The following ITGBL1 variants were observed in gnomAD, a reference collection of about 807,000 sequenced individuals.
The protein encoded by ITGBL1 is integrin subunit beta like 1.
In ITGBL1, 51 loss-of-function variants were observed where a neutral mutation model predicts 68.5. That is an observed-to-expected ratio of 0.74 (90% CI 0.59 to 0.94). ITGBL1 has a LOEUF of 0.94. Ranked by LOEUF, ITGBL1 falls within the 40% of genes least tolerant of loss-of-function variation. The pLI is 0.00. For synonymous variants in ITGBL1, 209 were observed against 227.3 expected, an observed-to-expected ratio of 0.92 and a Z score of 0.72; for missense variants, 649 against 647.4, an observed-to-expected ratio of 1.00 and a Z score of -0.03.
At chr13:101,647,556 C>T (rs2032601380) in intron 7 of ITGBL1, among the ~76,000 whole-genome samples, 1 of 152,152 alleles carries the variant, frequency 6.6e-6, no homozygotes, top group Admixed American at 6.6e-5. Context: ...ACCCAGATCT[C>T]ATAGGGAAAA....
chr13:101,583,444 T>A (rs1594905080), intron 6 of ITGBL1, 88 bp downstream of exon 6: 2 of 1,103,336 alleles, frequency 1.8e-6, no homozygotes, highest in Non-Finnish European at 2.5e-6. Flanking sequence ...TTAGAAAGAA[T>A]AAATAAGACA....
At chr13:101,707,478 G>A (rs1594998094) in intron 9 of ITGBL1, among the ~76,000 whole-genome samples, 1 of 152,250 alleles carries the variant, frequency 6.6e-6, no homozygotes, top group Non-Finnish European at 1.5e-5. Flanking sequence ...CAAGTCTGAT[G>A]GAATTTTCTT....
intron 2 of ITGBL1, among the ~76,000 whole-genome samples, chr13:101,532,059 C>T (rs1273270572): frequency 6.6e-6 from 1 of 151,992 alleles, no homozygotes; most frequent in African/African-American, 2.4e-5. Flanking sequence ...AATTTACTCT[C>T]CAATATTCAA....
intron 7 of ITGBL1, among the ~76,000 whole-genome samples, chr13:101,653,381 T>C (rs2032815036): frequency 6.6e-6 from 1 of 152,126 alleles, no homozygotes; most frequent in Admixed American, 6.5e-5. Context: ...TTCATTATAT[T>C]TAAGAGTAAG....
chr13:101,570,978 C>T (rs1292894535), intron 3 of ITGBL1, among the ~76,000 whole-genome samples: 3 of 152,102 alleles, frequency 2.0e-5, no homozygotes, highest in Non-Finnish European at 4.4e-5. Flanking sequence ...TAAATATATG[C>T]CTGTGCATAT....
At chr13:101,619,295 C>G (rs2031491949) in intron 7 of ITGBL1, among the ~76,000 whole-genome samples, 1 of 151,940 alleles carries the variant, frequency 6.6e-6, no homozygotes, top group Admixed American at 6.6e-5. Context: ...CTTATGATTG[C>G]TAATCAAAAG....
chr13:101,532,714 G>A (rs1450560159), intron 2 of ITGBL1, among the ~76,000 whole-genome samples: 2 of 152,032 alleles, frequency 1.3e-5, no homozygotes, highest in Non-Finnish European at 2.9e-5. Context: ...GCATAACAAC[G>A]TTTTGATAAA....
At chr13:101,496,058 C>T (rs141318447) in intron 2 of ITGBL1, among the ~76,000 whole-genome samples, 2 of 152,276 alleles carry the variant, frequency 1.3e-5, no homozygotes, top group African/African-American at 4.8e-5. Flanking sequence ...AGATACCCAC[C>T]ATTTCTCACA....
chr13:101,491,822 T>C (rs528156410), intron 2 of ITGBL1, among the ~76,000 whole-genome samples: 1 of 152,196 alleles, frequency 6.6e-6, no homozygotes, highest in African/African-American at 2.4e-5. Context: ...TTCCCCTCCC[T>C]GGGTTCATAT....
chr13:101,577,296 C>T (rs537132452), intron 4 of ITGBL1, among the ~76,000 whole-genome samples: 3 of 152,282 alleles, frequency 2.0e-5, no homozygotes, highest in East Asian at 1.9e-4. Flanking sequence ...TACAAATAGA[C>T]ATTTTCTTGC....
At chr13:101,693,704 T>C (rs991229276) in intron 8 of ITGBL1, among the ~76,000 whole-genome samples, 10 of 152,124 alleles carry the variant, frequency 6.6e-5, no homozygotes, top group Non-Finnish European at 1.2e-4. Context: ...TCTATATCAA[T>C]CATCCATATG....
rs370614885 is a variant in ITGBL1, at chr13:101,532,509, A to G, written c.317-35190A>G. ...TCCTAGAATGTAAGTTCCATGGATT[A>G]TAAACGTTATTCCTATTGCAGATTT... is the stretch of plus-strand genomic sequence containing the variant. On this transcript the variant is annotated intron_variant, in intron 2 of 10. Coordinates refer to ENST00000376180, the MANE Select transcript of ITGBL1 (RefSeq NM_004791.3). 3.9e-5 allele frequency among the ~76,000 whole-genome samples: 6 copies of G among 152,374 alleles called. No homozygotes were observed. In the East Asian group the frequency reaches 1.2e-3, roughly 29 times the overall value.
chr13:101,565,072 T>C (rs1346541656), intron 2 of ITGBL1, among the ~76,000 whole-genome samples: 1 of 152,038 alleles, frequency 6.6e-6, no homozygotes, highest in Non-Finnish European at 1.5e-5. Flanking sequence ...CAGGTTCCAG[T>C]CTTCATCACT....
chr13:101,669,479 T>C (rs1305046398), intron 7 of ITGBL1, among the ~76,000 whole-genome samples: 2 of 152,122 alleles, frequency 1.3e-5, no homozygotes, highest in African/African-American at 4.8e-5. Flanking sequence ...TATAATCTTA[T>C]GAAAGGAATT....
Position 101,692,007 on chromosome 13 carries a change from T to C in ITGBL1, c.1016-578T>C, listed in dbSNP as rs749257490. Among the ~76,000 whole-genome samples the C allele has an allele frequency of 7.2e-5, 11 of 152,214 alleles. 1 individual carries two copies. Among genetic ancestry groups the C allele is most frequent in the Admixed American group, 6.5e-5 (1 of 15,280 alleles). ...ACCAAATTCATTGCAAAAATATTTATAATTTTAAATTTTAAGACGAGGATA... is the reference window on the plus strand; with the variant it reads ...ACCAAATTCATTGCAAAAATATTTACAATTTTAAATTTTAAGACGAGGATA... On this transcript the variant is annotated intron_variant, in intron 7 of 10. Transcript: ENST00000376180.
At chr13:101,697,997 C>CT (rs1416421397) in intron 8 of ITGBL1, among the ~76,000 whole-genome samples, 1 of 152,152 alleles carries the variant, frequency 6.6e-6, no homozygotes, top group Non-Finnish European at 1.5e-5. Flanking sequence ...TAGTCCCCCC[C>CT]ATCATCTCTC....
In ITGBL1 at chr13:101,463,170, C is replaced by T. The variant is rs116610719; in HGVS notation, c.316+9070C>T. ...GCTAGACACCCCTCTCCTACCCTAG[C>T]GTAATTCCTGGTCCTAAGATATTTA... is the stretch of plus-strand genomic sequence containing the variant. On this transcript the variant is annotated intron_variant, in intron 2 of 10. Transcript: ENST00000376180. Among the ~76,000 whole-genome samples the T allele has an allele frequency of 6.5e-3, 985 of 152,290 alleles. 10 individuals are homozygous for T. Among genetic ancestry groups the T allele is most frequent in the African/African-American group, 0.023 (940 of 41,558 alleles).
At chr13:101,506,332 A>G (rs370509714) in intron 2 of ITGBL1, among the ~76,000 whole-genome samples, 4,827 of 150,626 alleles carry the variant, frequency 0.032, 254 homozygotes, top group African/African-American at 0.11. Flanking sequence ...TAAAGACAAA[A>G]CTAACATGTG....
intron 7 of ITGBL1, among the ~76,000 whole-genome samples, chr13:101,613,522 T>A (rs2031226859): frequency 6.6e-6 from 1 of 152,068 alleles, no homozygotes; most frequent in Non-Finnish European, 1.5e-5. Flanking sequence ...CTGCTGTAAG[T>A]ACGGAGGGCA....
Sources: gnomAD v4.1 joint callset for allele counts (sites outside exome capture counted in the v4.1 genomes callset) on GRCh38, gnomAD v4.1.1 for gene constraint, MANE v1.5 for transcripts, NCBI Gene and HGNC (gene_info 2026-07-23, HGNC 2026-07-21) for gene names.